Variants in ADAMTSL1 observed in about 807,000 individuals in gnomAD.
ADAMTSL1 encodes ADAMTS-like protein 1.
ADAMTSL1 carries 126 observed loss-of-function variants against 201.8 expected under a neutral mutation model. The ratio of observed to expected loss-of-function variants is 0.62; its 90% CI spans 0.54 to 0.72. The LOEUF (loss-of-function observed/expected upper bound fraction) is 0.72. ADAMTSL1 is among the 30% of genes least tolerant of loss of function. The pLI, the probability that ADAMTSL1 is intolerant of heterozygous loss-of-function variation, is 0.00. For synonymous variants in ADAMTSL1, 1,121 were observed against 903.4 expected (o/e 1.24, Z -4.32); for missense variants, 2,679 against 2,277.8 (o/e 1.18, Z -3.59).
chr9:17,972,443 T>C (rs528947345), intron 1 of ADAMTSL1, among the ~76,000 whole-genome samples: 1 of 151,706 alleles, frequency 6.6e-6, no homozygotes, highest in African/African-American at 2.4e-5. Flanking sequence ...GATAGTTTGC[T>C]GAGAATGATG....
intron 2 of ADAMTSL1, among the ~76,000 whole-genome samples, chr9:18,257,342 A>C (rs1420600770): frequency 6.6e-6 from 1 of 152,256 alleles, no homozygotes; most frequent in Middle Eastern, 3.2e-3. Context: ...ATCCAACTCA[A>C]TTAAAAATTT....
chr9:18,317,881 C>A (rs191263848), intron 2 of ADAMTSL1, among the ~76,000 whole-genome samples: 376 of 152,298 alleles, frequency 2.5e-3, no homozygotes, highest in African/African-American at 8.8e-3. Flanking sequence ...ATCCCAGCGC[C>A]TAGAGAACCG....
chr9:18,720,054 T>C (rs1312045921), intron 14 of ADAMTSL1, among the ~76,000 whole-genome samples: 4 of 152,250 alleles, frequency 2.6e-5, no homozygotes, highest in Non-Finnish European at 1.5e-5. Flanking sequence ...TACACAGCTA[T>C]GTATGTCTGA....
At position 18,908,422 on chromosome 9, in the gene ADAMTSL1, AC is replaced by A. The variant is rs1830431699; in HGVS notation, c.5183-16del. ...CATCTCTTTTCTGTCTCCTCTCCCG[AC>A]CCCGTCCTCCTTTCCCAGTGGAGTG... On this transcript the variant is annotated intron_variant, in intron 28 of 28. Coordinates refer to ENST00000380548, the MANE Select transcript of ADAMTSL1 (RefSeq NM_001040272.6). The A allele has an allele frequency of 6.5e-7, 1 of 1,546,162 alleles. No homozygotes were observed. The highest frequency in any genetic ancestry group is 1.4e-5 in the African/African-American group (1 of 72,832).
chr9:18,575,391 G>T lies in ADAMTSL1; in HGVS notation c.474+1125G>T, dbSNP rs917252072. On this transcript the variant is annotated intron_variant, in intron 4 of 28. Coordinates refer to ENST00000380548, the MANE Select transcript of ADAMTSL1 (RefSeq NM_001040272.6). Reference sequence around the variant, plus strand: ...TATCTTAAGGTTTCCTTATATACAAGAGATATATGAATTTCAGGTGTAAAT... The same window carrying T: ...TATCTTAAGGTTTCCTTATATACAATAGATATATGAATTTCAGGTGTAAAT... 2.0e-5 allele frequency among the ~76,000 whole-genome samples: 3 copies of T among 152,232 alleles called. No individual in the cohort carries two copies. The East Asian group carries it at 5.8e-4, about 29-fold the overall frequency.
At chr9:18,866,127 A>AAAAAAAAAAAAAAAAAAAAAAAAAAAAG in intron 23 of ADAMTSL1, among the ~76,000 whole-genome samples, 1 of 151,170 alleles carries the variant, frequency 6.6e-6, no homozygotes, top group Non-Finnish European at 1.5e-5. Context: ...AAAAAAAAAA[A>AAAAAAAAAAAAAAAAAAAAAAAAAAAAG]AAATGACGGA....
rs754167556 is a variant in ADAMTSL1 at position 18,817,171 on chromosome 9, G to A, written c.3868G>A (p.Val1290Ile). ...VINTEKPAVT[V>I]DIGSTIKTVQ... is the part of the protein sequence containing the mutation. ...CAACACGGAGAAGCCTGCAGTCACAGTCGATATAGGAAGCACCATCAAAAC... is the reference window on the plus strand; with the variant it reads ...CAACACGGAGAAGCCTGCAGTCACAATCGATATAGGAAGCACCATCAAAAC... Residue 1290 changes from valine to isoleucine, a missense_variant, in exon 21 of 29, where the codon GTC becomes ATC. Coordinates refer to ENST00000380548, the MANE Select transcript of ADAMTSL1 (RefSeq NM_001040272.6). 2 of 1,588,904 alleles carry A rather than the reference G, an allele frequency of 1.3e-6. No individual in the cohort carries two copies. Among genetic ancestry groups the A allele is most frequent in the African/African-American group, 2.7e-5 (2 of 74,588 alleles).
intron 1 of ADAMTSL1, among the ~76,000 whole-genome samples, chr9:17,934,848 A>C (rs896196573): frequency 6.7e-6 from 1 of 149,672 alleles, no homozygotes; most frequent in Non-Finnish European, 1.5e-5. Context: ...CCATTTGCCT[A>C]TTCAAGGATA....
At chr9:18,049,682 G>A (rs1821838341) in intron 1 of ADAMTSL1, among the ~76,000 whole-genome samples, 1 of 151,162 alleles carries the variant, frequency 6.6e-6, no homozygotes, top group South Asian at 2.1e-4. Context: ...GCAGTGCAGC[G>A]GTGCCATCTT....
intron 2 of ADAMTSL1, among the ~76,000 whole-genome samples, chr9:18,259,157 T>G (rs761530840): frequency 3.3e-5 from 5 of 152,214 alleles, no homozygotes; most frequent in African/African-American, 1.2e-4. Flanking sequence ...CTTATGCTCA[T>G]GTGGGCTTAA....
intron 9 of ADAMTSL1, among the ~76,000 whole-genome samples, chr9:18,669,341 C>T (rs1476179651): frequency 6.6e-6 from 1 of 152,170 alleles, no homozygotes; most frequent in African/African-American, 2.4e-5. Flanking sequence ...TCATTAATAC[C>T]AAGAATGTTT....
upstream of ADAMTSL1, among the ~76,000 whole-genome samples, chr9:18,471,097 G>A (rs1189699514): frequency 6.6e-6 from 1 of 152,138 alleles, no homozygotes; most frequent in East Asian, 1.9e-4. Context: ...TGCTGAAAAC[G>A]TTTTAGAAAT....
chr9:18,664,343 C>T (rs1488811693), intron 9 of ADAMTSL1, among the ~76,000 whole-genome samples: 14 of 152,042 alleles, frequency 9.2e-5, no homozygotes, highest in Non-Finnish European at 2.1e-4. Flanking sequence ...AATAGATCTG[C>T]TCTTCCATCA....
chr9:18,346,771 G>A (rs2226017), intron 2 of ADAMTSL1, among the ~76,000 whole-genome samples: 44,633 of 151,986 alleles, frequency 0.29, 7,130 homozygotes, highest in East Asian at 0.47. Flanking sequence ...GAAAACAGAG[G>A]AAGAACTGAG....
At chr9:18,026,024 C>T (rs1311027992) in intron 1 of ADAMTSL1, among the ~76,000 whole-genome samples, 5 of 151,748 alleles carry the variant, frequency 3.3e-5, no homozygotes, top group Non-Finnish European at 7.4e-5. Context: ...AATGGGATTG[C>T]ATCCTTGATT....
chr9:17,981,622 G>A (rs1461467055), intron 1 of ADAMTSL1, among the ~76,000 whole-genome samples: 2 of 152,130 alleles, frequency 1.3e-5, no homozygotes, highest in African/African-American at 2.4e-5. Context: ...CTTCTGCCAG[G>A]CACCTGAGGC....
chr9:18,191,193 C>T (rs1047463772), intron 2 of ADAMTSL1, among the ~76,000 whole-genome samples: 1 of 152,108 alleles, frequency 6.6e-6, no homozygotes, highest in African/African-American at 2.4e-5. Context: ...AGGCAGTCAT[C>T]TGGTCCCGGG....
chr9:18,295,815 A>G (rs1425031077), intron 2 of ADAMTSL1, among the ~76,000 whole-genome samples: 2 of 152,228 alleles, frequency 1.3e-5, no homozygotes, highest in Non-Finnish European at 2.9e-5. Context: ...AATGAATTTT[A>G]CACAATATAA....
At chr9:18,746,862 T>G (rs1819177786) in intron 15 of ADAMTSL1, among the ~76,000 whole-genome samples, 1 of 152,026 alleles carries the variant, frequency 6.6e-6, no homozygotes, top group African/African-American at 2.4e-5. Context: ...GGTCGTTGAT[T>G]ACCCATATTA....
Sources: gnomAD v4.1 joint callset for allele counts (sites outside exome capture counted in the v4.1 genomes callset) on GRCh38, gnomAD v4.1.1 for gene constraint, MANE v1.5 for transcripts, NCBI Gene and HGNC (gene_info 2026-07-23, HGNC 2026-07-21) for gene names.